The following VIPR1 variants were observed in gnomAD, a reference collection of about 807,000 sequenced individuals.
VIPR1 encodes the protein vasoactive intestinal polypeptide receptor 1.
A neutral mutation model predicts 58.8 loss-of-function variants in VIPR1; 59 were observed. The observed-to-expected ratio is 1.00, with a 90% CI of 0.81 to 1.25. The LOEUF is 1.25. Among genes scored for constraint, VIPR1 ranks in the 50% most tolerant of loss-of-function variants. The probability of loss-of-function intolerance (pLI) is 0.00; values close to 1 mark genes in which losing one functional copy is unlikely to be tolerated. For missense variants in VIPR1, 626 were observed against 602.7 expected (o/e 1.04, Z -0.40); for synonymous variants, 251 against 242.1 (o/e 1.04, Z -0.34).
intron 6 of VIPR1, chr3:42,528,733 T>G (rs1426828990): frequency 6.6e-6 from 1 of 152,634 alleles, no homozygotes; most frequent in African/African-American, 2.4e-5. Flanking sequence ...CAAGGGATTC[T>G]TAGGGACCCT....
chr3:42,530,445 T>C (rs1273960269), intron 6 of VIPR1: 1 of 252,662 alleles, frequency 4.0e-6, no homozygotes, highest in Non-Finnish European at 7.8e-6. Context: ...GAGTTGATAG[T>C]GAATGTCTAG....
chr3:42,518,695 G>A (rs1390040086), intron 2 of VIPR1, among the ~76,000 whole-genome samples: 1 of 152,208 alleles, frequency 6.6e-6, no homozygotes, highest in Non-Finnish European at 1.5e-5. Flanking sequence ...TTGCACCACT[G>A]CACTCTAGCC....
At chr3:42,514,336 A>C (rs979922174) in intron 2 of VIPR1, among the ~76,000 whole-genome samples, 2 of 152,098 alleles carry the variant, frequency 1.3e-5, no homozygotes, top group Admixed American at 6.5e-5. Context: ...GAAGAGGCAC[A>C]TTCAGTCACA....
chr3:42,518,830 G>A (rs1479500062), intron 2 of VIPR1, among the ~76,000 whole-genome samples: 1 of 152,246 alleles, frequency 6.6e-6, no homozygotes, highest in Non-Finnish European at 1.5e-5. Context: ...CATATGCCCA[G>A]TGGCTCATCT....
chr3:42,516,711 C>T (rs1223255968), intron 2 of VIPR1: 1 of 152,272 alleles, frequency 6.6e-6, no homozygotes, highest in African/African-American at 2.4e-5. Context: ...CAAAGTCCAG[C>T]AGCAGCAAAA....
chr3:42,536,189 G>GCCA lies in VIPR1; in HGVS notation c.1284_1286dup (p.Thr429dup). On this transcript the variant is annotated inframe_insertion, in exon 13 of 13. Transcript: ENST00000325123. ...GCACCCGTCGGGAGGCAGCAACGGC[G>GCCA]CCACGTGCAGCACGCAGGTTTCCAT... The GCCA allele has an allele frequency of 1.2e-6, 2 of 1,602,360 alleles. No homozygotes were observed. The highest frequency in any genetic ancestry group is 1.7e-6 in the Non-Finnish European group (2 of 1,175,336).
At chr3:42,502,932 G>T in intron 1 of VIPR1, 119 bp downstream of exon 1, 1 of 788,546 alleles carries the variant, frequency 1.3e-6, no homozygotes, top group Non-Finnish European at 1.7e-6. Flanking sequence ...AGGAATAGGG[G>T]ACATCAAGCA....
At chr3:42,496,644 T>A (rs1363447372) in intron 1 of VIPR1, among the ~76,000 whole-genome samples, 1 of 152,242 alleles carries the variant, frequency 6.6e-6, no homozygotes, top group African/African-American at 2.4e-5. Context: ...TTTTTATATC[T>A]TCTTGAAAGA....
Position 42,525,899 on chromosome 3 carries a change from G to A in VIPR1, c.305G>A (p.Ser102Asn), listed in dbSNP as rs746093130. Residue 102 changes from serine to asparagine, a missense_variant, in exon 4 of 13, where the codon AGC becomes AAC. Transcript: ENST00000325123. Reference protein sequence around the residue: ...LFSSIQGRNVSRSCTDEGWTH... With the variant: ...LFSSIQGRNVNRSCTDEGWTH... Reference sequence around the variant, plus strand: ...GCCCTCCACCCAGGCCGCAATGTAAGCCGCAGCTGCACCGACGAAGGCTGG... The same window carrying A: ...GCCCTCCACCCAGGCCGCAATGTAAACCGCAGCTGCACCGACGAAGGCTGG... 2.5e-6 allele frequency: 4 copies of A among 1,611,326 alleles called. No homozygotes were observed. Among genetic ancestry groups the A allele is most frequent in the Admixed American group, 1.7e-5 (1 of 59,698 alleles).
At chr3:42,509,561 G>A (rs1236284076) in intron 1 of VIPR1, among the ~76,000 whole-genome samples, 2 of 152,182 alleles carry the variant, frequency 1.3e-5, no homozygotes, top group African/African-American at 4.8e-5. Flanking sequence ...GCTTGACTGA[G>A]CTCCAAAAAG....
intron 3 of VIPR1, among the ~76,000 whole-genome samples, chr3:42,520,439 CCCAATCACA>C (rs759283754): frequency 4.3e-4 from 66 of 152,052 alleles, no homozygotes; most frequent in Non-Finnish European, 8.2e-4. Context: ...AACAGGAAAA[CCCAATCACA>C]AGGCAGGCAG....
chr3:42,514,315 C>A (rs116176828), intron 2 of VIPR1, among the ~76,000 whole-genome samples: 1,963 of 152,132 alleles, frequency 0.013, 41 homozygotes, highest in African/African-American at 0.044. Flanking sequence ...CTGTTAGCAT[C>A]TCCAGAGGAA....
chr3:42,527,230 G>T (rs1219402331), intron 4 of VIPR1, among the ~76,000 whole-genome samples, 163 bp from the exon 5 acceptor site: 1 of 152,032 alleles, frequency 6.6e-6, no homozygotes, highest in Non-Finnish European at 1.5e-5. Context: ...GGGCGTTAGG[G>T]GTCAGGGGCT....
intron 2 of VIPR1, among the ~76,000 whole-genome samples, chr3:42,514,724 G>T (rs1700540273): frequency 6.6e-6 from 1 of 152,058 alleles, no homozygotes; most frequent in African/African-American, 2.4e-5. Flanking sequence ...AGCACATGAG[G>T]GCCCCAGCCA....
At position 42,532,308 on chromosome 3, in the gene VIPR1, A is replaced by T. The variant is rs1184297378; in HGVS notation, c.985A>T (p.Arg329Trp). The change falls in exon 10 of 13, where the codon AGG becomes TGG. Residue 329 changes from arginine to tryptophan, a missense_variant. Arg to Trp is a moderately radical substitution (Grantham distance 101). Transcript: ENST00000325123. ...TCAGAAACTGCGGCCCCCAGATATC[A>T]GGAAGAGTGACAGCAGTCCATACTC... is the stretch of plus-strand genomic sequence containing the variant. ...LLQKLRPPDI[R>W]KSDSSPYSRL... 6.2e-7 allele frequency: 1 copy of T among 1,614,136 alleles called. No homozygotes were observed. The highest frequency in any genetic ancestry group is 1.1e-5 in the South Asian group (1 of 91,084).
At chr3:42,518,251 T>C (rs1398071775) in intron 2 of VIPR1, among the ~76,000 whole-genome samples, 1 of 151,996 alleles carries the variant, frequency 6.6e-6, no homozygotes, top group Admixed American at 6.6e-5. Context: ...GGCCTACAAA[T>C]GCAGACTGAT....
At position 42,525,870 on chromosome 3, in the gene VIPR1, C is replaced by A. The variant is rs766282936; in HGVS notation, c.293-17C>A. On this transcript the variant is annotated splice_polypyrimidine_tract_variant and intron_variant, in intron 3 of 12. Transcript: ENST00000325123. ...TCCCGGCCTCAGCCTTTGTCCTTGC[C>A]CCTGCCCTCCACCCAGGCCGCAATG... is the stretch of plus-strand genomic sequence containing the variant. 3 of 1,594,310 alleles carry A rather than the reference C, an allele frequency of 1.9e-6. No homozygotes were observed. The highest frequency in any genetic ancestry group is 3.5e-5 in the Admixed American group (2 of 57,288).
At chr3:42,502,909 G>C (rs868319589) in intron 1 of VIPR1, 96 bp downstream of exon 1, 17 of 995,922 alleles carry the variant, frequency 1.7e-5, no homozygotes, top group Middle Eastern at 6.9e-4. Context: ...GTCTGTGCGC[G>C]TGTCTGTGTA....
chr3:42,534,241 T>C (rs567239488), intron 10 of VIPR1: 1 of 152,142 alleles, frequency 6.6e-6, no homozygotes, highest in South Asian at 2.1e-4. Flanking sequence ...TAGAGGGCGA[T>C]ACTGATTAAT....
Sources: gnomAD v4.1 joint callset for allele counts (sites outside exome capture counted in the v4.1 genomes callset) on GRCh38, gnomAD v4.1.1 for gene constraint, MANE v1.5 for transcripts, NCBI Gene and HGNC (gene_info 2026-07-23, HGNC 2026-07-21) for gene names.